NMBR: variants seen among roughly 807,000 people sequenced by gnomAD.
The protein encoded by NMBR is neuromedin B receptor, also known as neuromedin-B receptor.
NMBR carries 16 observed loss-of-function variants against 20.5 expected under a neutral mutation model. The observed-to-expected ratio is 0.78, with a 90% confidence interval of 0.53 to 1.19. The LOEUF (loss-of-function observed/expected upper bound fraction) is 1.19. Ranked by LOEUF, NMBR falls within the 50% of genes most tolerant of loss-of-function variation. The probability of loss-of-function intolerance (pLI) is 0.00; values close to 1 mark genes in which losing one functional copy is unlikely to be tolerated. For missense variants in NMBR, 582 were observed against 499.1 expected (o/e 1.17, Z -1.58); for synonymous variants, 212 against 196.6 (o/e 1.08, Z -0.65).
chr6:142,075,740 G>A lies in NMBR; in HGVS notation c.1081C>T (p.Arg361Cys), dbSNP rs758915165. The change falls in exon 4 of 4, where the codon CGT (arginine) becomes TGT (cysteine). Residue 361 changes from arginine to cysteine, a missense_variant. Physicochemically the swap from Arg to Cys is radical, Grantham distance 180. Transcript: ENST00000258042. ...GCATTGCTTTTCAGAGATGTCATAC[G>A]CACCGCTGAAGAGCTGAGTAGGTAG... ...TSYLLSSSAV[R>C]MTSLKSNAKN... The A allele has an allele frequency of 1.1e-5, 17 of 1,613,760 alleles. No homozygotes were observed. The highest frequency in any genetic ancestry group is 6.7e-5 in the East Asian group (3 of 44,896).
At chr6:142,080,217 T>A (rs1213474797) in intron 2 of NMBR, among the ~76,000 whole-genome samples, 1 of 152,014 alleles carries the variant, frequency 6.6e-6, no homozygotes, top group East Asian at 1.9e-4. Flanking sequence ...TCTGCTATCA[T>A]CTTTTGTTTC....
At chr6:142,086,312 C>G (rs1456285999) in intron 2 of NMBR, among the ~76,000 whole-genome samples, 1 of 151,952 alleles carries the variant, frequency 6.6e-6, no homozygotes, top group East Asian at 1.9e-4. Flanking sequence ...AAAAATTACA[C>G]AAAAAAAGTT....
intron 1 of NMBR, among the ~76,000 whole-genome samples, chr6:142,135,940 G>A (rs997000895): frequency 3.3e-5 from 5 of 151,846 alleles, no homozygotes; most frequent in Admixed American, 1.3e-4. Flanking sequence ...ATTGTGAATA[G>A]TGCCACAATA....
At chr6:142,125,521 T>TACATGTGCATGCATATACACAGA (rs1554215499) in intron 1 of NMBR, among the ~76,000 whole-genome samples, 4 of 70,500 alleles carry the variant, frequency 5.7e-5, no homozygotes, top group Non-Finnish European at 7.3e-5. Context: ...ACATACACAA[T>TACATGTGCATGCATATACACAGA]TACTCATGCT....
chr6:142,101,917 G>A (rs959680744), intron 1 of NMBR, among the ~76,000 whole-genome samples: 16 of 151,930 alleles, frequency 1.1e-4, no homozygotes, highest in African/African-American at 1.7e-4. Flanking sequence ...CAGACCATTC[G>A]ACACTCTAAA....
At chr6:142,105,232 A>ACTGG (rs1165511051) in intron 1 of NMBR, among the ~76,000 whole-genome samples, 1 of 151,990 alleles carries the variant, frequency 6.6e-6, no homozygotes, top group Non-Finnish European at 1.5e-5. Flanking sequence ...TAAGGCAGGA[A>ACTGG]CTGGCTATTT....
At chr6:142,135,384 G>A (rs1054934040) in intron 1 of NMBR, among the ~76,000 whole-genome samples, 1 of 151,962 alleles carries the variant, frequency 6.6e-6, no homozygotes, top group Non-Finnish European at 1.5e-5. Flanking sequence ...AACTTATTAA[G>A]CACAAAAGTT....
At chr6:142,139,393 T>A (rs1401112542) in intron 1 of NMBR, among the ~76,000 whole-genome samples, 1 of 152,226 alleles carries the variant, frequency 6.6e-6, no homozygotes. Context: ...TGTGTGAATC[T>A]TGAGTATTGT....
intron 1 of NMBR, among the ~76,000 whole-genome samples, chr6:142,145,036 A>G (rs553417484): frequency 1.1e-4 from 17 of 151,342 alleles, no homozygotes; most frequent in Admixed American, 5.9e-4. Flanking sequence ...AAAAAAAAAA[A>G]AAAGAAAGAA....
chr6:142,091,768 T>C (rs949979935), intron 1 of NMBR, among the ~76,000 whole-genome samples: 3 of 152,194 alleles, frequency 2.0e-5, no homozygotes, highest in Non-Finnish European at 2.9e-5. Context: ...GTCAAAAAAA[T>C]GTGATTTCTA....
chr6:142,117,455 G>C (rs759056803), intron 1 of NMBR, among the ~76,000 whole-genome samples: 1 of 151,826 alleles, frequency 6.6e-6, no homozygotes, highest in Non-Finnish European at 1.5e-5. Flanking sequence ...AGGGAGCAAA[G>C]GTGTCTTATA....
chr6:142,118,512 A>G (rs1041043447), intron 1 of NMBR, among the ~76,000 whole-genome samples: 1 of 151,994 alleles, frequency 6.6e-6, no homozygotes, highest in Non-Finnish European at 1.5e-5. Flanking sequence ...GCCTAGAGCT[A>G]TCATTTTTTG....
intron 1 of NMBR, among the ~76,000 whole-genome samples, chr6:142,102,975 C>T (rs1246384181): frequency 6.6e-6 from 1 of 152,140 alleles, no homozygotes; most frequent in African/African-American, 2.4e-5. Context: ...CTGTCCATAT[C>T]AAAGATGCCA....
chr6:142,130,832 A>G (rs145554753), intron 1 of NMBR, among the ~76,000 whole-genome samples: 3 of 152,252 alleles, frequency 2.0e-5, no homozygotes, highest in African/African-American at 7.2e-5. Flanking sequence ...ACTGACAACA[A>G]TGGACCAGGG....
chr6:142,130,823 C>A (rs531380896), intron 1 of NMBR, among the ~76,000 whole-genome samples: 1 of 152,024 alleles, frequency 6.6e-6, no homozygotes, highest in Admixed American at 6.6e-5. Context: ...CTACAGGCCA[C>A]TGACAACAAT....
chr6:142,092,881 T>G (rs1256252327), intron 1 of NMBR, among the ~76,000 whole-genome samples: 3 of 152,108 alleles, frequency 2.0e-5, no homozygotes, highest in Non-Finnish European at 4.4e-5. Context: ...TGTGGGAAAA[T>G]TAACCAATTC....
intron 1 of NMBR, among the ~76,000 whole-genome samples, chr6:142,113,737 C>A (rs1039217679): frequency 2.0e-4 from 31 of 152,056 alleles, no homozygotes; most frequent in African/African-American, 7.5e-4. Context: ...GCAGCCTTAC[C>A]AAATTTGGAA....
chr6:142,126,250 C>CCTCTCTCT (rs145085633), intron 1 of NMBR, among the ~76,000 whole-genome samples: 54,822 of 145,366 alleles, frequency 0.38, 10,622 homozygotes, highest in Middle Eastern at 0.52. Context: ...TAACAATATT[C>CCTCTCTCT]CTCTCTCTCT....
chr6:142,087,795 A>G (rs1461553195), intron 2 of NMBR, among the ~76,000 whole-genome samples: 1 of 152,140 alleles, frequency 6.6e-6, no homozygotes, highest in Non-Finnish European at 1.5e-5. Context: ...TAAAAATTAA[A>G]TATTTGCCTA....
Sources: gnomAD v4.1 joint callset for allele counts (sites outside exome capture counted in the v4.1 genomes callset) on GRCh38, gnomAD v4.1.1 for gene constraint, MANE v1.5 for transcripts, NCBI Gene and HGNC (gene_info 2026-07-23, HGNC 2026-07-21) for gene names.